NCMAP: variants seen among roughly 807,000 people sequenced by gnomAD.
NCMAP encodes noncompact myelin-associated protein.
In NCMAP, 8 loss-of-function variants were observed where a neutral mutation model predicts 7.8. The ratio of observed to expected loss-of-function variants is 1.02; its 90% CI spans 0.60 to 1.84. The LOEUF is 1.84. NCMAP is among the 40% of genes most tolerant of loss of function. NCMAP has a pLI of 0.00. For missense variants in NCMAP, 112 were observed against 131.4 expected (o/e 0.85, Z 0.72); for synonymous variants, 41 against 52.9 (o/e 0.78, Z 0.98).
rs1652466852 is a variant in NCMAP at position 24,600,932 on chromosome 1, T to C, written c.83-8T>C. 1 of 1,613,812 alleles carries C rather than the reference T, an allele frequency of 6.2e-7. No individual in the cohort carries two copies. Among genetic ancestry groups the C allele is most frequent in the Non-Finnish European group, 8.5e-7 (1 of 1,179,826 alleles). On this transcript the variant is annotated splice_region_variant and splice_polypyrimidine_tract_variant and intron_variant, in intron 2 of 3. Transcript: ENST00000374392. ...CATTCACGGTCTCTGCTTCTCTCCT[T>C]TCTGTAGGTTCTGGAGCCATTGTTG... is the stretch of plus-strand genomic sequence containing the variant.
intron 2 of NCMAP, 22 bp downstream of exon 2, chr1:24,595,534 G>A (rs1270563599): frequency 6.3e-7 from 1 of 1,579,494 alleles, no homozygotes; most frequent in African/African-American, 1.3e-5. Flanking sequence ...TTCGCTTAGA[G>A]GCTGGGGGAA....
intron 2 of NCMAP, among the ~76,000 whole-genome samples, chr1:24,597,617 G>GAAAGAGAA (rs1322815675): frequency 1.7e-4 from 15 of 87,530 alleles, no homozygotes; most frequent in Admixed American, 1.1e-3. Context: ...AAGAAAGAAA[G>GAAAGAGAA]AGAAAGAAAG....
chr1:24,606,127 G>T lies in NCMAP; in HGVS notation c.*380G>T. The T allele has an allele frequency of 5.5e-6, 1 of 182,634 alleles. No homozygotes were observed. Among genetic ancestry groups the T allele is most frequent in the Non-Finnish European group, 1.1e-5 (1 of 87,722 alleles). 11.3% of individuals were successfully genotyped at this position (182,634 alleles called of 1,614,324 possible). The stretch of plus-strand genomic sequence containing the variant: ...AGTATCACAATAGGATCTGTCACGG[G>T]GTTCATATCAGATGAAGCGCCGTAT... On this transcript the variant is annotated 3_prime_UTR_variant, in exon 4 of 4. Transcript: ENST00000374392.
chr1:24,602,106 A>G (rs1263996603), intron 3 of NCMAP, among the ~76,000 whole-genome samples: 2 of 152,080 alleles, frequency 1.3e-5, no homozygotes, highest in African/African-American at 4.8e-5. Flanking sequence ...AGCTGTTTCC[A>G]ATATATTGTC....
intron 1 of NCMAP, among the ~76,000 whole-genome samples, chr1:24,583,579 G>A (rs1472484038): frequency 6.6e-6 from 1 of 152,118 alleles, no homozygotes; most frequent in Non-Finnish European, 1.5e-5. Context: ...AGCTAGGTGT[G>A]GTGGCGCACA....
intron 1 of NCMAP, among the ~76,000 whole-genome samples, chr1:24,593,000 G>A (rs898421879): frequency 1.3e-5 from 2 of 151,942 alleles, no homozygotes; most frequent in Non-Finnish European, 2.9e-5. Context: ...GGCCAACGTG[G>A]TGAAACCCCA....
At chr1:24,574,432 GT>G (rs895098518) in intron 1 of NCMAP, among the ~76,000 whole-genome samples, 2 of 152,056 alleles carry the variant, frequency 1.3e-5, no homozygotes, top group Admixed American at 6.6e-5. Flanking sequence ...GGGACTGAGA[GT>G]TATATCATCA....
intron 1 of NCMAP, among the ~76,000 whole-genome samples, chr1:24,575,677 G>A (rs1203520096): frequency 6.6e-6 from 1 of 152,062 alleles, no homozygotes; most frequent in African/African-American, 2.4e-5. Flanking sequence ...CGGGCGTGGT[G>A]GCTCATGCCT....
rs1465089744 is a variant in NCMAP at position 24,572,769 on chromosome 1, G to A, written c.-8+16600G>A. Among the ~76,000 whole-genome samples, 4 of 150,784 alleles carry A rather than the reference G, an allele frequency of 2.7e-5. 1 individual carries two copies. The highest frequency in any genetic ancestry group is 1.0e-4 in the African/African-American group (4 of 40,134). On this transcript the variant is annotated intron_variant, in intron 1 of 3. Coordinates refer to ENST00000374392, the MANE Select transcript of NCMAP (RefSeq NM_001010980.5). The stretch of plus-strand genomic sequence containing the variant: ...AGCTCACACTTGCCTCGCACGTTCC[G>A]CACGTCCTAAAAGTCTCTTCCACTT...
At chr1:24,593,357 G>A (rs1652108313) in intron 1 of NCMAP, among the ~76,000 whole-genome samples, 2 of 152,004 alleles carry the variant, frequency 1.3e-5, no homozygotes, top group Non-Finnish European at 2.9e-5. Flanking sequence ...GCCAGGCATG[G>A]TGGTGAATGC....
At chr1:24,581,668 A>G (rs544465451) in intron 1 of NCMAP, among the ~76,000 whole-genome samples, 2 of 152,320 alleles carry the variant, frequency 1.3e-5, no homozygotes, top group African/African-American at 4.8e-5. Flanking sequence ...AAAGGGATTG[A>G]TGAGGCTCAT....
intron 2 of NCMAP, among the ~76,000 whole-genome samples, chr1:24,600,545 AC>A (rs1383264241): frequency 1.3e-5 from 2 of 151,818 alleles, no homozygotes; most frequent in Non-Finnish European, 2.9e-5. Context: ...TTCTTCAACG[AC>A]CCCCTCTTTT....
chr1:24,575,378 C>T (rs976486013), intron 1 of NCMAP, among the ~76,000 whole-genome samples: 1 of 152,046 alleles, frequency 6.6e-6, no homozygotes, highest in Non-Finnish European at 1.5e-5. Flanking sequence ...ATAATGCACC[C>T]GACTGAGTCT....
In NCMAP at chr1:24,596,196, C is replaced by T. The variant is rs189338109; in HGVS notation, c.82+684C>T. On this transcript the variant is annotated intron_variant, in intron 2 of 3. Transcript: ENST00000374392. ...GCTGAGGCAGGAGAATCACTTGAAC[C>T]TGGGAAGCAGAGGTTGCAGTGAGCT... is the stretch of plus-strand genomic sequence containing the variant. 1.4e-3 allele frequency among the ~76,000 whole-genome samples: 217 copies of T among 152,208 alleles called. 1 individual carries two copies. Among genetic ancestry groups the T allele is most frequent in the African/African-American group, 5.0e-3 (209 of 41,530 alleles).
chr1:24,585,293 G>A (rs997359936), intron 1 of NCMAP, among the ~76,000 whole-genome samples: 18 of 152,252 alleles, frequency 1.2e-4, no homozygotes, highest in African/African-American at 4.3e-4. Context: ...CCTACAGAGT[G>A]CTTGGAAGTT....
chr1:24,575,419 G>T lies in NCMAP; in HGVS notation c.-8+19250G>T, dbSNP rs1651525879. 1.3e-5 allele frequency among the ~76,000 whole-genome samples: 2 copies of T among 152,138 alleles called. 1 individual carries two copies. Among genetic ancestry groups the T allele is most frequent in the South Asian group, 4.1e-4 (2 of 4,822 alleles). On this transcript the variant is annotated intron_variant, in intron 1 of 3. Transcript: ENST00000374392. ...CGTTCAGACAGGTTTATTGGGCAGG[G>T]TGCTTTCTGTCAGCTCTTATTTGAT...
intron 1 of NCMAP, among the ~76,000 whole-genome samples, chr1:24,588,669 A>G (rs561688535): frequency 3.3e-5 from 5 of 152,346 alleles, no homozygotes; most frequent in Non-Finnish European, 7.4e-5. Context: ...ATGACCTGCC[A>G]TCACTTCCCA....
At chr1:24,567,325 A>G (rs1651257202) in intron 1 of NCMAP, among the ~76,000 whole-genome samples, 2 of 152,168 alleles carry the variant, frequency 1.3e-5, no homozygotes, top group Admixed American at 1.3e-4. Flanking sequence ...TTCAGGTGAT[A>G]AGTGCTATAA....
chr1:24,589,395 C>T (rs1651981016), intron 1 of NCMAP: 1 of 152,414 alleles, frequency 6.6e-6, no homozygotes, highest in African/African-American at 2.4e-5. Flanking sequence ...GTGCTACCAC[C>T]CTCCCTCCCA....
Sources: gnomAD v4.1 joint callset for allele counts (sites outside exome capture counted in the v4.1 genomes callset) on GRCh38, gnomAD v4.1.1 for gene constraint, MANE v1.5 for transcripts, NCBI Gene and HGNC (gene_info 2026-07-23, HGNC 2026-07-21) for gene names.